COL7A1: variants seen among roughly 807,000 people sequenced by gnomAD.
The protein encoded by COL7A1 is collagen type VII alpha 1 chain, also known as collagen alpha-1(VII) chain.
In COL7A1, 296 loss-of-function variants were observed where a neutral mutation model predicts 456.2. That is an observed-to-expected ratio of 0.65 (90% CI 0.59 to 0.71). The LOEUF is 0.71. Ranked by LOEUF, COL7A1 falls within the 30% of genes least tolerant of loss-of-function variation. COL7A1 has a pLI of 0.00. For missense variants in COL7A1, 3,441 were observed against 4,017.2 expected (o/e 0.86, Z 3.88); for synonymous variants, 1,464 against 1,525.9 (o/e 0.96, Z 0.95).
Position 48,574,423 on chromosome 3 carries a change from C to T in COL7A1, c.6456+65G>A, listed in dbSNP as rs779726420. 1 of 1,611,540 alleles carries T rather than the reference C, an allele frequency of 6.2e-7. No homozygotes were observed. The highest frequency in any genetic ancestry group is 1.3e-5 in the African/African-American group (1 of 74,910). On this transcript the variant is annotated intron_variant, in intron 79 of 118. Coordinates refer to ENST00000681320, the MANE Select transcript of COL7A1 (RefSeq NM_000094.4). The surrounding 1 kb of genome is among the most constrained non-coding windows in gnomAD (Gnocchi z 5.0). The stretch of plus-strand genomic sequence containing the variant: ...CCAGGCAGTACAGACCCCAGCCCTG[C>T]ACACAGGACAATACATGTGAGAGCC...
Position 48,576,732 on chromosome 3 carries a change from T to A in COL7A1, c.5644A>T (p.Ile1882Phe). 6.2e-7 allele frequency: 1 copy of A among 1,611,786 alleles called. No homozygotes were observed. Among genetic ancestry groups the A allele is most frequent in the African/African-American group, 1.3e-5 (1 of 74,922 alleles). ...GPKGERGAPG[I>F]LGPQGPPGLP... ...CCTGGAGGCCCCTGGGGTCCAAGGA[T>A]ACCAGGAGCTCCACGCTCACCCTTG... Residue 1882 changes from isoleucine (I) to phenylalanine (F), a missense_variant, in exon 68 of 119, where the codon ATC becomes TTC. Transcript: ENST00000681320.
intron 67 of COL7A1, 31 bp downstream of exon 67, chr3:48,576,853 G>T: frequency 6.2e-7 from 1 of 1,614,068 alleles, no homozygotes; most frequent in Non-Finnish European, 8.5e-7. Context: ...AGGGTCAGGG[G>T]TCAGAGGTTG....
In COL7A1 at chr3:48,568,893, A is replaced by C. The variant is rs1297156107; in HGVS notation, c.7687-38T>G. On this transcript the variant is annotated intron_variant, in intron 103 of 118. Coordinates refer to ENST00000681320, the MANE Select transcript of COL7A1 (RefSeq NM_000094.4). This position sits in a 1 kb window ranked among gnomAD's most constrained non-coding sequence, Gnocchi z 5.2. The stretch of plus-strand genomic sequence containing the variant: ...CCAGGAGAGGGATTCAGTCAGGACC[A>C]GATCAGGCTGGGGGCTTAGAATACA... 1.3e-6 allele frequency: 2 copies of C among 1,549,924 alleles called. No homozygotes were observed. The highest frequency in any genetic ancestry group is 1.7e-6 in the Non-Finnish European group (2 of 1,143,080).
Position 48,585,453 on chromosome 3 carries a change from G to A in COL7A1, c.3894+104C>T, listed in dbSNP as rs532595757. 1 of 1,349,486 alleles carries A rather than the reference G, an allele frequency of 7.4e-7. No homozygotes were observed. The highest frequency in any genetic ancestry group is 1.4e-5 in the African/African-American group (1 of 69,848). The allele number at this position is 1,349,486 out of a possible 1,614,324, so 83.6% of individuals were successfully genotyped here. ...TTATAACCTCCAGCTGGGCTTCTAG[G>A]AATTCCCGATGATTCTAACTCTGCT... On this transcript the variant is annotated intron_variant, in intron 32 of 118. Coordinates refer to ENST00000681320, the MANE Select transcript of COL7A1 (RefSeq NM_000094.4). The surrounding 1 kb of genome is among the most constrained non-coding windows in gnomAD (Gnocchi z 4.5).
Position 48,571,939 on chromosome 3 carries a change from C to T in COL7A1, c.7068+62G>A. 6.3e-7 allele frequency: 1 copy of T among 1,591,702 alleles called. No individual in the cohort carries two copies. The highest frequency in any genetic ancestry group is 8.6e-7 in the Non-Finnish European group (1 of 1,166,838). On this transcript the variant is annotated intron_variant, in intron 92 of 118. Coordinates refer to ENST00000681320, the MANE Select transcript of COL7A1 (RefSeq NM_000094.4). This position sits in a 1 kb window ranked among gnomAD's most constrained non-coding sequence, Gnocchi z 4.6. ...ACATGTGCCCCGGCCCAAGAGTGGC[C>T]CCTTATGCCCGCCATCACACTCCTC...
chr3:48,588,451 C>T lies in COL7A1; in HGVS notation c.2588-47G>A. ...CAGGGAGGCTCTGCCCCCATGGCCC[C>T]TGCACCAATCCCAGGCCCACCCTGG... On this transcript the variant is annotated intron_variant, in intron 20 of 118. Coordinates refer to ENST00000681320, the MANE Select transcript of COL7A1 (RefSeq NM_000094.4). This position sits in a 1 kb window ranked among gnomAD's most constrained non-coding sequence, Gnocchi z 4.6. 6.3e-7 allele frequency: 1 copy of T among 1,599,900 alleles called. No individual in the cohort carries two copies. Among genetic ancestry groups the T allele is most frequent in the Middle Eastern group, 2.0e-4 (1 of 4,980 alleles).
rs1361852664 is a variant in COL7A1 at position 48,578,839 on chromosome 3, C to A, written c.5424+80G>T. On this transcript the variant is annotated intron_variant, in intron 63 of 118. Coordinates refer to ENST00000681320, the MANE Select transcript of COL7A1 (RefSeq NM_000094.4). The surrounding 1 kb of genome is among the most constrained non-coding windows in gnomAD (Gnocchi z 4.7). Reference sequence around the variant, plus strand: ...TGAACCGACCCCCCACCAACTCTCTCGGATGCTGTGACTATGATGATCTGG... The same window carrying A: ...TGAACCGACCCCCCACCAACTCTCTAGGATGCTGTGACTATGATGATCTGG... 1.4e-6 allele frequency: 2 copies of A among 1,460,128 alleles called. No homozygotes were observed. The highest frequency in any genetic ancestry group is 1.3e-5 in the South Asian group (1 of 77,550). The allele number at this position is 1,460,128 out of a possible 1,614,324, so 90.4% of individuals were successfully genotyped here.
chr3:48,574,870 A>T lies in COL7A1; in HGVS notation c.6280-5T>A. 6.2e-7 allele frequency: 1 copy of T among 1,613,714 alleles called. No homozygotes were observed. The highest frequency in any genetic ancestry group is 1.1e-5 in the South Asian group (1 of 91,062). ...ACCTGGCTCATCCACAGACACCTAC[A>T]AACACAAGGTCACAGGGGAGAGATG... On this transcript the variant is annotated splice_region_variant and splice_polypyrimidine_tract_variant and intron_variant, in intron 76 of 118. Coordinates refer to ENST00000681320, the MANE Select transcript of COL7A1 (RefSeq NM_000094.4). This position sits in a 1 kb window ranked among gnomAD's most constrained non-coding sequence, Gnocchi z 5.0.
chr3:48,587,498 C>T lies in COL7A1; in HGVS notation c.2914G>A (p.Val972Met), dbSNP rs778102512. 1.2e-6 allele frequency: 2 copies of T among 1,613,408 alleles called. No individual in the cohort carries two copies. The highest frequency in any genetic ancestry group is 4.5e-5 in the East Asian group (2 of 44,882). ...GACACTGGAGTCCAGGCCAAAGTCA[C>T]CGAGTCGATCGAGGTGTCCACCACA... ...LRVVDTSIDS[V>M]TLAWTPVSRA... The change falls in exon 23 of 119, where the codon GTG (valine) becomes ATG (methionine). Residue 972 changes from valine to methionine, a missense_variant. By Grantham distance (21) the Val-to-Met change is conservative. Around this residue, in one of 3 missense-constraint regions of COL7A1, gnomAD observed 444 missense variants for 427.6 expected, o/e 1.04. Coordinates refer to ENST00000681320, the MANE Select transcript of COL7A1 (RefSeq NM_000094.4). This position sits in a 1 kb window ranked among gnomAD's most constrained non-coding sequence, Gnocchi z 6.1.
In COL7A1 at chr3:48,566,799, T is replaced by C. The variant is rs996982812; in HGVS notation, c.8227-62A>G. The C allele has an allele frequency of 1.9e-6, 3 of 1,602,692 alleles. No homozygotes were observed. Among genetic ancestry groups the C allele is most frequent in the African/African-American group, 1.3e-5 (1 of 74,570 alleles). On this transcript the variant is annotated intron_variant, in intron 111 of 118. Transcript: ENST00000681320. The surrounding 1 kb of genome is among the most constrained non-coding windows in gnomAD (Gnocchi z 5.9). ...GCAGTGGGGATCAGAGTCAGGCAGG[T>C]TGGGGGCCACAGCTTCAGAGGTTGG...
rs770945975 is a variant in COL7A1, at chr3:48,574,221, G to A, written c.6501+41C>T. 2 of 1,612,438 alleles carry A rather than the reference G, an allele frequency of 1.2e-6. No homozygotes were observed. The highest frequency in any genetic ancestry group is 1.7e-6 in the Non-Finnish European group (2 of 1,178,870). ...CACAGCAGCAGCAGCACCTAGCGGA[G>A]GGTCCGGAGCCTGGGGCCAGGTGCT... On this transcript the variant is annotated intron_variant, in intron 80 of 118. Transcript: ENST00000681320. This position sits in a 1 kb window ranked among gnomAD's most constrained non-coding sequence, Gnocchi z 5.0.
Position 48,565,324 on chromosome 3 carries a change from GC to G in COL7A1, c.8527+85del. The G allele has an allele frequency of 6.6e-7, 1 of 1,505,566 alleles. No individual in the cohort carries two copies. The highest frequency in any genetic ancestry group is 2.0e-4 in the Middle Eastern group (1 of 5,064). 93.3% of individuals were successfully genotyped at this position (1,505,566 alleles called of 1,614,324 possible). ...TGTGCCCTGCATGCAGACCCTACGT[GC>G]TTGGCGTGTGCCCTGCATTCATGGA... On this transcript the variant is annotated intron_variant, in intron 116 of 118. Transcript: ENST00000681320. The surrounding 1 kb of genome is among the most constrained non-coding windows in gnomAD (Gnocchi z 4.5).
At position 48,594,170 on chromosome 3, in the gene COL7A1, G is replaced by A. The variant is rs898180626; in HGVS notation, c.266+198C>T. 1.3e-5 allele frequency among the ~76,000 whole-genome samples: 2 copies of A among 152,222 alleles called. No homozygotes were observed. Among genetic ancestry groups the A allele is most frequent in the Admixed American group, 6.5e-5 (1 of 15,292 alleles). ...CTTCCTGTCTTGCAGTAGCCTGGAG[G>A]TGCCTCAGGGCACGAAGGTTCTACC... is the stretch of plus-strand genomic sequence containing the variant. On this transcript the variant is annotated intron_variant, in intron 3 of 118. Coordinates refer to ENST00000681320, the MANE Select transcript of COL7A1 (RefSeq NM_000094.4). This position sits in a 1 kb window ranked among gnomAD's most constrained non-coding sequence, Gnocchi z 5.5.
Position 48,567,791 on chromosome 3 carries a change from C to T in COL7A1, c.7930-28G>A, listed in dbSNP as rs1372163629. ...GCAGGCATCAGGCAGTGGGGTGAGC[C>T]TTAGGCCCCAGGCCACGTAGCCCCC... On this transcript the variant is annotated intron_variant, in intron 107 of 118. Coordinates refer to ENST00000681320, the MANE Select transcript of COL7A1 (RefSeq NM_000094.4). This position sits in a 1 kb window ranked among gnomAD's most constrained non-coding sequence, Gnocchi z 4.3. 1 of 1,614,044 alleles carries T rather than the reference C, an allele frequency of 6.2e-7. No homozygotes were observed. Among genetic ancestry groups the T allele is most frequent in the African/African-American group, 1.3e-5 (1 of 74,908 alleles).
At position 48,587,800 on chromosome 3, in the gene COL7A1, C is replaced by G. The variant is rs746958544; in HGVS notation, c.2850G>C (p.Ala950=). The G allele has an allele frequency of 1.9e-6, 3 of 1,613,334 alleles. No homozygotes were observed. The Admixed American group carries it at 5.0e-5, about 27-fold the overall frequency. The change falls in exon 22 of 119, where the codon GCG becomes GCC. Residue 950 remains alanine (A), a synonymous_variant. Transcript: ENST00000681320. The surrounding 1 kb of genome is among the most constrained non-coding windows in gnomAD (Gnocchi z 6.1). ...AGEGPSAEVT[A]RTESPRVPSI... The stretch of plus-strand genomic sequence containing the variant: ...AAGGTGAGGCAGGCTTACCAGTGCG[C>G]GCAGTCACCTCTGCAGAGGGCCCTT...
chr3:48,583,473 TGAG>T lies in COL7A1; in HGVS notation c.4402-48_4402-46del. On this transcript the variant is annotated intron_variant, in intron 41 of 118. Transcript: ENST00000681320. This position sits in a 1 kb window ranked among gnomAD's most constrained non-coding sequence, Gnocchi z 5.1. ...GGGTTCAGAGATTTGGGTTTGGGCA[TGAG>T]GATGGAGCAGTGGTTGATGATTGAG... 1 of 1,614,072 alleles carries T rather than the reference TGAG, an allele frequency of 6.2e-7. No individual in the cohort carries two copies. Among genetic ancestry groups the T allele is most frequent in the Non-Finnish European group, 8.5e-7 (1 of 1,179,984 alleles).
chr3:48,595,181 G>T, intron 1 of COL7A1, 21 bp from the exon 2 acceptor site: 7 of 1,545,426 alleles, frequency 4.5e-6, no homozygotes, highest in Non-Finnish European at 6.1e-6. Flanking sequence ...AAAGCCGTCA[G>T]CTAGGACCCC....
chr3:48,587,639 G>A lies in COL7A1; in HGVS notation c.2858-85C>T. 6.2e-7 allele frequency: 1 copy of A among 1,608,306 alleles called. No homozygotes were observed. The highest frequency in any genetic ancestry group is 8.5e-7 in the Non-Finnish European group (1 of 1,175,958). Reference sequence around the variant, plus strand: ...AGATCTGAGATCCTGGGTCCGGTTTGTCTTATTGAAGCATCATGGGAGGTC... The same window carrying A: ...AGATCTGAGATCCTGGGTCCGGTTTATCTTATTGAAGCATCATGGGAGGTC... On this transcript the variant is annotated intron_variant, in intron 22 of 118. Transcript: ENST00000681320. This position sits in a 1 kb window ranked among gnomAD's most constrained non-coding sequence, Gnocchi z 6.1.
chr3:48,582,772 G>T, intron 44 of COL7A1, 119 bp from the exon 45 acceptor site: 1 of 1,219,888 alleles, frequency 8.2e-7, no homozygotes, highest in Non-Finnish European at 1.2e-6. Context: ...ATTTAGGTTG[G>T]CAGGGGTAAG....
Sources: allele counts gnomAD v4.1 joint callset (sites outside exome capture counted in the v4.1 genomes callset), GRCh38; gene constraint gnomAD v4.1.1; regional missense constraint gnomAD v4.1.1; non-coding constraint Gnocchi (gnomAD v3.1); transcripts MANE v1.5; gene names NCBI Gene and HGNC (gene_info 2026-07-23, HGNC 2026-07-21).